Variants in HKDC1 observed in about 807,000 individuals in gnomAD.
HKDC1 encodes the protein hexokinase HKDC1.
A neutral mutation model predicts 96.6 loss-of-function variants in HKDC1; 66 were observed. That is an observed-to-expected ratio of 0.68 (90% CI 0.56 to 0.84). HKDC1 has a LOEUF of 0.84. HKDC1 is among the 40% of genes least tolerant of loss of function. The probability of loss-of-function intolerance (pLI) is 0.00; values close to 1 mark genes in which losing one functional copy is unlikely to be tolerated. For synonymous variants in HKDC1, 466 were observed against 473.1 expected (o/e 0.98, Z 0.20); for missense variants, 1,211 against 1,208.1 (o/e 1.00, Z -0.04).
At chr10:69,230,719 T>C (rs1843243304) in intron 2 of HKDC1, among the ~76,000 whole-genome samples, 1 of 152,210 alleles carries the variant, frequency 6.6e-6, no homozygotes, top group Non-Finnish European at 1.5e-5. Context: ...GCTCAAGTGA[T>C]CCTCCTGCTT....
Position 69,265,691 on chromosome 10 carries a change from C to A in HKDC1, c.2479C>A (p.Arg827=). 1 of 1,613,438 alleles carries A rather than the reference C, an allele frequency of 6.2e-7. No homozygotes were observed. The highest frequency in any genetic ancestry group is 1.7e-5 in the Admixed American group (1 of 59,900). ...GAAGGAGGTGTGCGGAGCCGTGTCCCGGCGGGCGGCCCAGCTCTGCGGTGC... is the reference window on the plus strand; with the variant it reads ...GAAGGAGGTGTGCGGAGCCGTGTCCAGGCGGGCGGCCCAGCTCTGCGGTGC... ...VVKEVCGAVS[R]RAAQLCGAGL... Residue 827 remains arginine (R), a synonymous_variant, in exon 17 of 18, where the codon CGG becomes AGG. Coordinates refer to ENST00000354624, the MANE Select transcript of HKDC1 (RefSeq NM_025130.4).
chr10:69,250,464 C>G (rs781301912), intron 11 of HKDC1, 29 bp downstream of exon 11: 2 of 1,611,698 alleles, frequency 1.2e-6, no homozygotes, highest in Non-Finnish European at 1.7e-6. Flanking sequence ...CTTTGGGCTC[C>G]GAGGTGCCAG....
In HKDC1 at chr10:69,232,930, C is replaced by T. The variant is rs774720684; in HGVS notation, c.375+18C>T. 10 of 1,612,014 alleles carry T rather than the reference C, an allele frequency of 6.2e-6. No homozygotes were observed. Among genetic ancestry groups the T allele is most frequent in the South Asian group, 5.5e-5 (5 of 91,074 alleles). On this transcript the variant is annotated intron_variant, in intron 3 of 17. Coordinates refer to ENST00000354624, the MANE Select transcript of HKDC1 (RefSeq NM_025130.4). ...GCACAGAGGTACCTGGCAGGTGGCT[C>T]CTGTGACCGCAGGGAAGGCGGTGGC...
intron 6 of HKDC1, among the ~76,000 whole-genome samples, chr10:69,242,426 G>GAAAAAAAAAA (rs1294586012): frequency 9.6e-5 from 3 of 31,230 alleles, no homozygotes; most frequent in Middle Eastern, 0.016. Flanking sequence ...GGAAGATACT[G>GAAAAAAAAAA]AAGAAAAAAA....
At chr10:69,231,759 T>C (rs1843264713) in intron 2 of HKDC1, among the ~76,000 whole-genome samples, 3 of 152,208 alleles carry the variant, frequency 2.0e-5, no homozygotes, top group Admixed American at 2.0e-4. Flanking sequence ...AGATGCTCAG[T>C]AAATGTGTGG....
At chr10:69,246,028 T>C in intron 7 of HKDC1, 51 bp from the exon 8 acceptor site, 3 of 1,598,534 alleles carry the variant, frequency 1.9e-6, no homozygotes, top group South Asian at 1.1e-5. Context: ...CGGGAAATGA[T>C]GCAGCTTAAT....
rs1843560782 is a variant in HKDC1, at chr10:69,247,537, G to A, written c.1209G>A (p.Val403=). Reference sequence around the variant, plus strand: ...CACGCCTCCGGGAGAACAAGAAGGTGGAACGGCTCCGGACCACAGTGGGCA... The same window carrying A: ...CACGCCTCCGGGAGAACAAGAAGGTAGAACGGCTCCGGACCACAGTGGGCA... The part of the protein sequence containing the change: ...ILTRLRENKK[V]ERLRTTVGMD... Residue 403 remains valine, a synonymous_variant, in exon 9 of 18, where the codon GTG becomes GTA. Coordinates refer to ENST00000354624, the MANE Select transcript of HKDC1 (RefSeq NM_025130.4). The A allele has an allele frequency of 1.2e-6, 2 of 1,614,036 alleles. No individual in the cohort carries two copies. Among genetic ancestry groups the A allele is most frequent in the Admixed American group, 1.7e-5 (1 of 60,004 alleles).
intron 10 of HKDC1, among the ~76,000 whole-genome samples, 160 bp from the exon 11 acceptor site, chr10:69,250,130 G>A (rs149074565): frequency 3.9e-5 from 6 of 152,238 alleles, no homozygotes; most frequent in East Asian, 3.9e-4. Context: ...ATGCCTGCCC[G>A]GGGCCCGGGC....
intron 15 of HKDC1, among the ~76,000 whole-genome samples, chr10:69,260,721 G>T (rs968779452): frequency 3.9e-5 from 6 of 152,124 alleles, no homozygotes; most frequent in African/African-American, 1.4e-4. Context: ...TTGCTCTCTT[G>T]ACCCTCATGG....
chr10:69,226,360 T>C (rs1479395402), intron 1 of HKDC1, among the ~76,000 whole-genome samples: 1 of 152,106 alleles, frequency 6.6e-6, no homozygotes, highest in Admixed American at 6.5e-5. Flanking sequence ...AAAATGGACA[T>C]TTATGGCTGG....
intron 15 of HKDC1, among the ~76,000 whole-genome samples, chr10:69,259,541 C>A (rs1843774505): frequency 6.6e-6 from 1 of 152,146 alleles, no homozygotes. Flanking sequence ...AAAGGGGTAG[C>A]AGAGCTAGAG....
chr10:69,244,940 C>T (rs1444753717), intron 7 of HKDC1, among the ~76,000 whole-genome samples: 1 of 152,088 alleles, frequency 6.6e-6, no homozygotes, highest in Non-Finnish European at 1.5e-5. Context: ...CTCACTCTGT[C>T]GCCAAGGCTG....
intron 12 of HKDC1, among the ~76,000 whole-genome samples, chr10:69,251,563 T>C (rs1843644485): frequency 6.6e-6 from 1 of 152,220 alleles, no homozygotes; most frequent in African/African-American, 2.4e-5. Flanking sequence ...TGAACCTATA[T>C]ATTAATTTGG....
At position 69,265,734 on chromosome 10, in the gene HKDC1, T is replaced by TG; in HGVS notation, c.2524dup (p.Glu842GlyfsTer31). 1 of 1,612,240 alleles carries TG rather than the reference T, an allele frequency of 6.2e-7. No individual in the cohort carries two copies. Among genetic ancestry groups the TG allele is most frequent in the Non-Finnish European group, 8.5e-7 (1 of 1,179,508 alleles). Reference sequence around the variant, plus strand: ...TGCGGTGCTGGCCTGGCCGCTATAGTGGAAAAAAGGAGAGAAGACCAGGGG... The same window carrying TG: ...TGCGGTGCTGGCCTGGCCGCTATAGTGGGAAAAAAGGAGAGAAGACCAGGGG... On this transcript the variant is annotated frameshift_variant, in exon 17 of 18. Transcript: ENST00000354624. LOFTEE classifies it high-confidence loss of function.
In HKDC1 at chr10:69,227,420, G is replaced by A. The variant is rs774933336; in HGVS notation, c.226+51G>A. The A allele has an allele frequency of 4.4e-6, 7 of 1,603,314 alleles. No individual in the cohort carries two copies. The African/African-American group carries it at 8.0e-5, about 18-fold the overall frequency. On this transcript the variant is annotated intron_variant, in intron 2 of 17. Transcript: ENST00000354624. Reference sequence around the variant, plus strand: ...GTCCCTGGCTCCTCTTGGCTGATGGGTGTCTAAAGTACCTAAGGTTTGCCC... The same window carrying A: ...GTCCCTGGCTCCTCTTGGCTGATGGATGTCTAAAGTACCTAAGGTTTGCCC...
intron 1 of HKDC1, among the ~76,000 whole-genome samples, chr10:69,223,819 G>T (rs1843106514): frequency 1.3e-5 from 2 of 149,720 alleles, no homozygotes; most frequent in South Asian, 4.2e-4. Flanking sequence ...TCCTGACCTC[G>T]GGATCCGCCC....
intron 4 of HKDC1, 58 bp downstream of exon 4, chr10:69,233,191 G>T (rs1843300845): frequency 1.2e-6 from 2 of 1,606,982 alleles, no homozygotes; most frequent in Admixed American, 3.4e-5. Flanking sequence ...TGTGGGCACG[G>T]GTGGGAGTCA....
chr10:69,246,183 C>T lies in HKDC1; in HGVS notation c.980C>T (p.Ala327Val), dbSNP rs574025853. ...GLLFGGEKSS[A>V]LHTKGKIETR... ...CTGTTTGGTGGTGAGAAATCTTCTG[C>T]TCTCCACACTAAGGGCAAGATCGAA... Residue 327 changes from alanine (A) to valine (V), a missense_variant, in exon 8 of 18, where the codon GCT becomes GTT. By Grantham distance (64) the Ala-to-Val change is moderately conservative. Transcript: ENST00000354624. 2.5e-6 allele frequency: 4 copies of T among 1,614,210 alleles called. No individual in the cohort carries two copies. The highest frequency in any genetic ancestry group is 3.4e-6 in the Non-Finnish European group (4 of 1,180,036).
At position 69,256,532 on chromosome 10, in the gene HKDC1, C is replaced by A. The variant is rs186581400; in HGVS notation, c.1837-504C>A. Among the ~76,000 whole-genome samples the A allele has an allele frequency of 7.9e-3, 1,208 of 152,126 alleles. 17 individuals carry two copies. The highest frequency in any genetic ancestry group is 0.028 in the African/African-American group (1,147 of 41,502). ...GACCAGCCTGGCCAACATGGTGAAACCCCATCTCTACTAAAAAATACAAAA... is the reference window on the plus strand; with the variant it reads ...GACCAGCCTGGCCAACATGGTGAAAACCCATCTCTACTAAAAAATACAAAA... On this transcript the variant is annotated intron_variant, in intron 12 of 17. Transcript: ENST00000354624.
Sources: allele counts gnomAD v4.1 joint callset (sites outside exome capture counted in the v4.1 genomes callset), GRCh38; gene constraint gnomAD v4.1.1; transcripts MANE v1.5; gene names NCBI Gene and HGNC (gene_info 2026-07-23, HGNC 2026-07-21).